Variants in PTPRD observed in about 807,000 individuals in gnomAD.
The protein encoded by PTPRD is protein tyrosine phosphatase receptor type D.
Under a neutral mutation model 214.5 loss-of-function variants are expected in PTPRD, and 34 were observed. The observed-to-expected ratio is 0.16, with a 90% CI of 0.12 to 0.21. PTPRD has a LOEUF of 0.21. Ranked by LOEUF, PTPRD falls within the 10% of genes least tolerant of loss-of-function variation. The probability of loss-of-function intolerance (pLI) is 1.00; values close to 1 mark genes in which losing one functional copy is unlikely to be tolerated. For synonymous variants in PTPRD, 1,128 were observed against 845.7 expected, an observed-to-expected ratio of 1.33 and a Z score of -5.79; for missense variants, 2,545 against 2,398.7, an observed-to-expected ratio of 1.06 and a Z score of -1.27.
intron 9 of PTPRD, among the ~76,000 whole-genome samples, chr9:9,292,922 A>C (rs529809475): frequency 1.3e-3 from 196 of 151,596 alleles, no homozygotes; most frequent in African/African-American, 4.5e-3. Context: ...GTAAAGGGCC[A>C]TTCTAATCCT....
chr9:9,753,195 C>A (rs184703024), intron 6 of PTPRD, among the ~76,000 whole-genome samples: 4 of 152,126 alleles, frequency 2.6e-5, no homozygotes, highest in East Asian at 1.9e-4. Context: ...GACATCACTA[C>A]TGTAATTGAG....
chr9:10,528,260 A>G (rs1464558154), intron 2 of PTPRD, among the ~76,000 whole-genome samples: 1 of 152,170 alleles, frequency 6.6e-6, no homozygotes, highest in Non-Finnish European at 1.5e-5. Context: ...TCTGATTCCA[A>G]GTTCTACCAC....
chr9:9,644,992 G>T (rs2096102352), intron 7 of PTPRD, among the ~76,000 whole-genome samples: 1 of 152,226 alleles, frequency 6.6e-6, no homozygotes, highest in Non-Finnish European at 1.5e-5. Flanking sequence ...AGAGGGCAGG[G>T]TGTAAAAGGC....
intron 12 of PTPRD, among the ~76,000 whole-genome samples, chr9:8,656,438 A>G (rs927900242): frequency 6.6e-6 from 1 of 152,144 alleles, no homozygotes; most frequent in East Asian, 1.9e-4. Context: ...CTCTGAACTC[A>G]TGTATCACTG....
At chr9:9,327,423 T>A (rs1475314263) in intron 9 of PTPRD, among the ~76,000 whole-genome samples, 1 of 152,132 alleles carries the variant, frequency 6.6e-6, no homozygotes, top group Non-Finnish European at 1.5e-5. Context: ...ATTTTTTTCT[T>A]AAAAAATTTA....
At chr9:9,998,043 C>A (rs1304060871) in intron 4 of PTPRD, among the ~76,000 whole-genome samples, 1 of 150,494 alleles carries the variant, frequency 6.6e-6, no homozygotes, top group African/African-American at 2.5e-5. Flanking sequence ...ACTTTTCTGC[C>A]CCACACAGAG....
At chr9:9,469,628 C>G (rs1589240988) in intron 8 of PTPRD, among the ~76,000 whole-genome samples, 1 of 152,172 alleles carries the variant, frequency 6.6e-6, no homozygotes, top group South Asian at 2.1e-4. Context: ...TGAGCATATA[C>G]ATTCTACAAT....
intron 10 of PTPRD, among the ~76,000 whole-genome samples, chr9:9,111,555 TG>T (rs1205416329): frequency 6.6e-6 from 1 of 152,124 alleles, no homozygotes; most frequent in Admixed American, 6.6e-5. Flanking sequence ...ATACACACTT[TG>T]GGAATTGCCA....
chr9:9,486,184 A>AAAAAAC (rs1449101646), intron 8 of PTPRD, among the ~76,000 whole-genome samples: 4 of 135,434 alleles, frequency 3.0e-5, no homozygotes, highest in South Asian at 2.3e-4. Flanking sequence ...AAAAAAAAAA[A>AAAAAAC]AGCCTTCCCT....
chr9:9,027,291 AG>A (rs2154373957), intron 10 of PTPRD, among the ~76,000 whole-genome samples: 1 of 151,998 alleles, frequency 6.6e-6, no homozygotes, highest in Non-Finnish European at 1.5e-5. Context: ...TAAGAAGAAT[AG>A]ATAGATATAC....
At chr9:8,724,323 G>A (rs917237157) in intron 12 of PTPRD, among the ~76,000 whole-genome samples, 2 of 152,152 alleles carry the variant, frequency 1.3e-5, no homozygotes, top group Non-Finnish European at 2.9e-5. Context: ...TTCAGTTTTA[G>A]AATAATGCTT....
chr9:8,353,618 G>C (rs1255721795), intron 39 of PTPRD, among the ~76,000 whole-genome samples: 1 of 151,770 alleles, frequency 6.6e-6, no homozygotes, highest in Non-Finnish European at 1.5e-5. Context: ...ATATTTAGTA[G>C]AGATGGGGTT....
At chr9:9,029,952 G>A (rs2099599258) in intron 10 of PTPRD, among the ~76,000 whole-genome samples, 1 of 151,900 alleles carries the variant, frequency 6.6e-6, no homozygotes, top group Non-Finnish European at 1.5e-5. Context: ...TGACTCAATG[G>A]CAATTCTTTG....
chr9:8,975,175 T>C (rs10977419), intron 11 of PTPRD, among the ~76,000 whole-genome samples: 10,602 of 151,908 alleles, frequency 0.07, 522 homozygotes, highest in Middle Eastern at 0.1. Flanking sequence ...TGGATACATA[T>C]TGAATATATT....
chr9:8,556,876 A>G (rs1443125151), intron 14 of PTPRD, among the ~76,000 whole-genome samples: 3 of 152,202 alleles, frequency 2.0e-5, no homozygotes, highest in East Asian at 3.9e-4. Context: ...CAAGGTGAGT[A>G]ACCTAATGAA....
rs927128708 is a variant in PTPRD, at chr9:9,903,321, T to C, written c.-368+35186A>G. On this transcript the variant is annotated intron_variant, in intron 5 of 45. Transcript: ENST00000381196. The stretch of plus-strand genomic sequence containing the variant: ...TAGTATTTTAAGCTATTACTTTAGA[T>C]GCTTAAAGACCATTAGCACTCTAAC... Among the ~76,000 whole-genome samples the C allele has an allele frequency of 7.9e-5, 12 of 152,300 alleles. No individual in the cohort carries two copies. The East Asian group carries it at 2.1e-3, about 27-fold the overall frequency.
chr9:9,996,724 T>C (rs2096134298), intron 4 of PTPRD, among the ~76,000 whole-genome samples: 2 of 152,162 alleles, frequency 1.3e-5, no homozygotes, highest in Admixed American at 6.5e-5. Flanking sequence ...AGCTGACCAC[T>C]ATAAGGTCCT....
chr9:9,868,590 G>A (rs985368094), intron 5 of PTPRD, among the ~76,000 whole-genome samples: 1 of 151,340 alleles, frequency 6.6e-6, no homozygotes, highest in Non-Finnish European at 1.5e-5. Context: ...GTGACAATGA[G>A]ATAAATTATT....
At chr9:9,051,426 C>T (rs1224943507) in intron 10 of PTPRD, among the ~76,000 whole-genome samples, 2 of 152,120 alleles carry the variant, frequency 1.3e-5, no homozygotes, top group African/African-American at 4.8e-5. Context: ...TATTGCATAT[C>T]TCTACATGCA....
Sources: allele counts gnomAD v4.1 joint callset (sites outside exome capture counted in the v4.1 genomes callset), GRCh38; gene constraint gnomAD v4.1.1; transcripts MANE v1.5; gene names NCBI Gene and HGNC (gene_info 2026-07-23, HGNC 2026-07-21).